Variants in PLA1A observed in about 807,000 individuals in gnomAD.
PLA1A encodes phospholipase A1 member A, also known as phosphatidylserine-specific phospholipase A1alpha.
In PLA1A, 47 loss-of-function variants were observed where a neutral mutation model predicts 49.4. The ratio of observed to expected loss-of-function variants is 0.95; its 90% CI spans 0.75 to 1.21. The LOEUF is 1.21. Among genes scored for constraint, PLA1A ranks in the 50% most tolerant of loss-of-function variants. PLA1A has a pLI of 0.00. For synonymous variants in PLA1A, 224 were observed against 207.9 expected (o/e 1.08, Z -0.67); for missense variants, 561 against 563.9 (o/e 0.99, Z 0.05).
chr3:119,610,805 C>G (rs2082754865), intron 4 of PLA1A, among the ~76,000 whole-genome samples: 1 of 152,112 alleles, frequency 6.6e-6, no homozygotes, highest in Non-Finnish European at 1.5e-5. Flanking sequence ...TACAGAAGGT[C>G]TTTAGTTTAA....
chr3:119,600,264 C>A (rs2082599880), intron 1 of PLA1A: 11 of 630,974 alleles, frequency 1.7e-5, no homozygotes, highest in South Asian at 1.6e-4. Flanking sequence ...TCTTTCATGA[C>A]AACCCCAGTC....
chr3:119,608,280 GA>G (rs201622318), intron 2 of PLA1A, among the ~76,000 whole-genome samples: 237 of 149,732 alleles, frequency 1.6e-3, no homozygotes, highest in African/African-American at 5.5e-3. Context: ...AAGAAAGAAA[GA>G]AAGAAAGAAA....
chr3:119,618,368 C>G (rs1366009083), intron 7 of PLA1A, among the ~76,000 whole-genome samples, 182 bp downstream of exon 7: 1 of 152,118 alleles, frequency 6.6e-6, no homozygotes, highest in African/African-American at 2.4e-5. Context: ...TTCTCGTGCC[C>G]CACCCCTCAC....
At chr3:119,608,238 AAGAG>A (rs747988647) in intron 2 of PLA1A, among the ~76,000 whole-genome samples, 288 of 79,958 alleles carry the variant, frequency 3.6e-3, no homozygotes, top group South Asian at 0.015. Flanking sequence ...GAGAGAAAGA[AAGAG>A]AGAAAGAAAG....
intron 8 of PLA1A, among the ~76,000 whole-genome samples, chr3:119,621,448 G>A (rs1034323080): frequency 6.6e-6 from 1 of 152,200 alleles, no homozygotes; most frequent in Non-Finnish European, 1.5e-5. Context: ...TAGGGAGGGG[G>A]TAGGGACCAG....
At chr3:119,599,973 CGTGT>C (rs141896264) in intron 1 of PLA1A, among the ~76,000 whole-genome samples, 1 of 149,174 alleles carries the variant, frequency 6.7e-6, no homozygotes, top group Non-Finnish European at 1.5e-5. Context: ...AGTGTGTGTG[CGTGT>C]GTGTGTGTGT....
rs552231035 is a variant in PLA1A, at chr3:119,600,525, G to A, written c.73+2539G>A. On this transcript the variant is annotated intron_variant, in intron 1 of 10. Transcript: ENST00000273371. Reference sequence around the variant, plus strand: ...CTCCGCTAGACTTTGAGCTCCCAAAGGGCAGTTATGGCTGGCGTCTTCTTC... The same window carrying A: ...CTCCGCTAGACTTTGAGCTCCCAAAAGGCAGTTATGGCTGGCGTCTTCTTC... 105 of 644,892 alleles carry A rather than the reference G, an allele frequency of 1.6e-4. No homozygotes were observed. The African/African-American group carries it at 1.7e-3, about 10-fold the overall frequency. The allele number at this position is 644,892 out of a possible 1,614,324, so 39.9% of individuals were successfully genotyped here.
chr3:119,598,125 G>GA (rs141574051), intron 1 of PLA1A, 139 bp downstream of exon 1: 161 of 513,854 alleles, frequency 3.1e-4, no homozygotes, highest in African/African-American at 2.6e-3. Flanking sequence ...AACAGTAGGG[G>GA]AAAAAAACCC....
rs1192391708 is a variant in PLA1A at position 119,613,077 on chromosome 3, G to A, written c.623G>A (p.Gly208Glu). 1 of 1,609,386 alleles carries A rather than the reference G, an allele frequency of 6.2e-7. No homozygotes were observed. The change falls in exon 5 of 11, where the codon GGA becomes GAA. Residue 208 changes from glycine to glutamate, a missense_variant. Gly to Glu is a moderately conservative substitution (Grantham distance 98). Transcript: ENST00000273371. ...AGTGTGGAAGAGCGCTTGGATGCTGGAGATGCCCTCTTCGTGGAAGCCATC... is the reference window on the plus strand; with the variant it reads ...AGTGTGGAAGAGCGCTTGGATGCTGAAGATGCCCTCTTCGTGGAAGCCATC... ...RASVEERLDA[G>E]DALFVEAIHT...
chr3:119,615,429 C>T (rs666134), intron 5 of PLA1A, among the ~76,000 whole-genome samples: 44,092 of 152,130 alleles, frequency 0.29, 8,043 homozygotes, highest in African/African-American at 0.51. Flanking sequence ...AATGAGGAAA[C>T]TTACCAAGTT....
In PLA1A at chr3:119,597,941, T is replaced by G; in HGVS notation, c.28T>G (p.Phe10Val). Residue 10 changes from phenylalanine (F) to valine (V), a missense_variant, in exon 1 of 11, where the codon TTC (phenylalanine) becomes GTC (valine). Coordinates refer to ENST00000273371, the MANE Select transcript of PLA1A (RefSeq NM_015900.4). MPPGPWESC[F>V]WVGGLILWLS... is the part of the protein sequence containing the mutation. ...GCCCCCAGGTCCCTGGGAGAGCTGCTTCTGGGTGGGGGGCCTCATTTTGTG... is the reference window on the plus strand; with the variant it reads ...GCCCCCAGGTCCCTGGGAGAGCTGCGTCTGGGTGGGGGGCCTCATTTTGTG... 6.2e-7 allele frequency: 1 copy of G among 1,611,208 alleles called. No homozygotes were observed. The highest frequency in any genetic ancestry group is 8.5e-7 in the Non-Finnish European group (1 of 1,178,680).
chr3:119,608,660 C>A, intron 2 of PLA1A, 110 bp from the exon 3 acceptor site: 1 of 853,604 alleles, frequency 1.2e-6, no homozygotes, highest in Non-Finnish European at 1.9e-6. Flanking sequence ...CATATGAGCC[C>A]TTCTCTAGTT....
chr3:119,610,537 T>C (rs1215186959), intron 4 of PLA1A, among the ~76,000 whole-genome samples: 2 of 152,140 alleles, frequency 1.3e-5, no homozygotes, highest in South Asian at 2.1e-4. Flanking sequence ...TGGTGTGAGA[T>C]GGTATATCAT....
intron 2 of PLA1A, 35 bp downstream of exon 2, chr3:119,607,010 A>G (rs1248157230): frequency 2.7e-6 from 4 of 1,495,828 alleles, no homozygotes; most frequent in Non-Finnish European, 3.7e-6. Context: ...CTTCTCAACT[A>G]AGAATGATCA....
chr3:119,598,714 T>G (rs574695017), intron 1 of PLA1A: 1 of 152,290 alleles, frequency 6.6e-6, no homozygotes, highest in Non-Finnish European at 1.5e-5. Flanking sequence ...TAATTCTCAT[T>G]CCCTGGCTCT....
At position 119,606,944 on chromosome 3, in the gene PLA1A, C is replaced by G. The variant is rs2082697855; in HGVS notation, c.244C>G (p.Leu82Val). Residue 82 changes from leucine (L) to valine (V), a missense_variant, in exon 2 of 11, where the codon CTG (leucine) becomes GTG (valine). Coordinates refer to ENST00000273371, the MANE Select transcript of PLA1A (RefSeq NM_015900.4). ...CCAAAACTCTGGGTTCAATGCCACT[C>G]TGGGAACCAAACTAATTATCCATGG... The part of the protein sequence containing the change: ...DLQNSGFNAT[L>V]GTKLIIHGFR... 3 of 1,614,060 alleles carry G rather than the reference C, an allele frequency of 1.9e-6. No homozygotes were observed. The highest frequency in any genetic ancestry group is 2.2e-5 in the South Asian group (2 of 91,086).
At chr3:119,614,532 G>A (rs2082817694) in intron 5 of PLA1A, among the ~76,000 whole-genome samples, 1 of 150,394 alleles carries the variant, frequency 6.6e-6, no homozygotes, top group African/African-American at 2.5e-5. Context: ...CCTGAACCCA[G>A]GAGGCAGAGC....
At chr3:119,628,961 A>G in intron 10 of PLA1A, 96 bp downstream of exon 10, 1 of 960,276 alleles carries the variant, frequency 1.0e-6, no homozygotes, top group South Asian at 1.5e-5. Flanking sequence ...CAATCTCATC[A>G]TAGTGATTAT....
At chr3:119,620,110 T>G in intron 8 of PLA1A, 1 of 457,110 alleles carries the variant, frequency 2.2e-6, no homozygotes, top group Non-Finnish European at 4.4e-6. Context: ...CTCCTAACCA[T>G]GGCATTTCCT....
Sources: allele counts gnomAD v4.1 joint callset (sites outside exome capture counted in the v4.1 genomes callset), GRCh38; gene constraint gnomAD v4.1.1; transcripts MANE v1.5; gene names NCBI Gene and HGNC (gene_info 2026-07-23, HGNC 2026-07-21).